Variants in MAGEA4 observed in about 807,000 individuals in gnomAD.
The protein encoded by MAGEA4 is melanoma-associated antigen 4.
MAGEA4 carries 1 observed loss-of-function variant against 13.7 expected under a neutral mutation model. That is an observed-to-expected ratio of 0.07 (90% CI 0.03 to 0.35). The LOEUF (loss-of-function observed/expected upper bound fraction) is 0.35, where lower values mean the gene tolerates loss of function less well. Ranked by LOEUF, MAGEA4 falls within the 10% of genes least tolerant of loss-of-function variation. The pLI, the probability that MAGEA4 is intolerant of heterozygous loss-of-function variation, is 0.99. For missense variants in MAGEA4, 312 were observed against 245.1 expected, an observed-to-expected ratio of 1.27 and a Z score of -1.82; for synonymous variants, 132 against 101.1, an observed-to-expected ratio of 1.31 and a Z score of -1.83.
At position 151,924,432 on chromosome X, in the gene MAGEA4, C is replaced by T. The variant is rs149797451; in HGVS notation, c.768C>T (p.Tyr256=). The stretch of plus-strand genomic sequence containing the variant: ...CCCAAGATTGGGTGCAGGAAAACTA[C>T]CTGGAGTACCGGCAGGTACCCGGCA... ...LLTQDWVQEN[Y]LEYRQVPGSN... Residue 256 remains tyrosine (Y), a synonymous_variant, in exon 3 of 3, where the codon TAC becomes TAT. Transcript: ENST00000276344. The T allele has an allele frequency of 5.0e-6, 6 of 1,209,879 alleles. No homozygotes were observed. In the African/African-American group the frequency reaches 8.7e-5, roughly 18 times the overall value.
chrX:151,921,050 A>G (rs1933412334), intron 1 of MAGEA4, among the ~76,000 whole-genome samples: 2 of 112,035 alleles, frequency 1.8e-5, no homozygotes, highest in Middle Eastern at 4.6e-3. Flanking sequence ...AGGAGAGGGC[A>G]TGGCCCAGGC....
rs754011082 is a variant in MAGEA4 at position 151,923,947 on chromosome X, G to C, written c.283G>C (p.Gly95Arg). ...NEGSSSQEEE[G>R]PSTSPDAESL... ...GGGTTCCAGCAGCCAAGAAGAGGAGGGGCCAAGCACCTCGCCTGACGCAGA... is the reference window on the plus strand; with the variant it reads ...GGGTTCCAGCAGCCAAGAAGAGGAGCGGCCAAGCACCTCGCCTGACGCAGA... The change falls in exon 3 of 3, where the codon GGG (glycine) becomes CGG (arginine). Residue 95 changes from glycine (G) to arginine (R), a missense_variant. Coordinates refer to ENST00000276344, the MANE Select transcript of MAGEA4 (RefSeq NM_001011548.1). 3 of 1,209,915 alleles carry C rather than the reference G, an allele frequency of 2.5e-6. No individual in the cohort carries two copies. Among genetic ancestry groups the C allele is most frequent in the Non-Finnish European group, 3.4e-6 (3 of 895,144 alleles).
intron 1 of MAGEA4, chrX:151,919,618 G>A: frequency 1.3e-6 from 1 of 748,190 alleles, no homozygotes; most frequent in Non-Finnish European, 1.6e-6. Context: ...GGAATGTGAT[G>A]CCACTGACTT....
Position 151,923,588 on chromosome X carries a change from C to T in MAGEA4, c.-65-12C>T. 1 of 1,210,774 alleles carries T rather than the reference C, an allele frequency of 8.3e-7. No individual in the cohort carries two copies. Among genetic ancestry groups the T allele is most frequent in the Non-Finnish European group, 1.1e-6 (1 of 895,277 alleles). On this transcript the variant is annotated splice_polypyrimidine_tract_variant and intron_variant, in intron 2 of 2. Coordinates refer to ENST00000276344, the MANE Select transcript of MAGEA4 (RefSeq NM_001011548.1). ...TCAGCTGAGGTCTCTCACATGCTCC[C>T]TCTCTCCGTAGGCCTGTGGGTCCCC...
chrX:151,919,627 T>G, intron 1 of MAGEA4: 1 of 747,964 alleles, frequency 1.3e-6, no homozygotes, highest in Non-Finnish European at 1.6e-6. Context: ...TGCCACTGAC[T>G]TGCGCATTGG....
rs1409994913 is a variant in MAGEA4, at chrX:151,923,958, C to G, written c.294C>G (p.Thr98=). The G allele has an allele frequency of 2.5e-6, 3 of 1,210,043 alleles. No individual in the cohort carries two copies. In the South Asian group the frequency reaches 5.3e-5, roughly 21 times the overall value. ...GCCAAGAAGAGGAGGGGCCAAGCAC[C>G]TCGCCTGACGCAGAGTCCTTGTTCC... ...SSSQEEEGPS[T]SPDAESLFRE... The change falls in exon 3 of 3, where the codon ACC becomes ACG. Residue 98 remains threonine, a synonymous_variant. Coordinates refer to ENST00000276344, the MANE Select transcript of MAGEA4 (RefSeq NM_001011548.1).
At chrX:151,921,115 C>A (rs949537382) in intron 1 of MAGEA4, among the ~76,000 whole-genome samples, 1 of 112,245 alleles carries the variant, frequency 8.9e-6, no homozygotes, top group African/African-American at 3.2e-5. Flanking sequence ...CCCCAAGATC[C>A]TAGTCTAACC....
intron 1 of MAGEA4, chrX:151,913,608 C>T (rs1328616795): frequency 8.0e-6 from 6 of 749,573 alleles, no homozygotes; most frequent in Non-Finnish European, 9.4e-6. Context: ...TGAGGGAGGA[C>T]TCAGGAGGCC....
intron 1 of MAGEA4, among the ~76,000 whole-genome samples, chrX:151,919,890 G>A (rs903657423): frequency 9.0e-6 from 1 of 110,889 alleles, no homozygotes. Flanking sequence ...TGCAGTCAGA[G>A]CTTGGGGTGA....
chrX:151,920,772 TAGAG>T (rs1277644252), intron 1 of MAGEA4, among the ~76,000 whole-genome samples: 1 of 108,456 alleles, frequency 9.2e-6, no homozygotes, highest in African/African-American at 3.4e-5. Flanking sequence ...AATTGAGGGT[TAGAG>T]AGAAGTGAGT....
In MAGEA4 at chrX:151,925,115, C is replaced by G; in HGVS notation, c.*497C>G. ...AAATATATATGCATACCTGGATTTCCTTGGCTTCGTGAATGTAAGAGAAAT... is the reference window on the plus strand; with the variant it reads ...AAATATATATGCATACCTGGATTTCGTTGGCTTCGTGAATGTAAGAGAAAT... On this transcript the variant is annotated 3_prime_UTR_variant, in exon 3 of 3. Transcript: ENST00000276344. The G allele has an allele frequency of 8.3e-6, 1 of 120,613 alleles. No homozygotes were observed. The allele number at this position is 120,613 out of a possible 1,213,427, so 9.9% of individuals were successfully genotyped here. A position where few individuals can be genotyped will look rare whatever the true frequency, so the allele number is the denominator to read the frequency against.
intron 1 of MAGEA4, among the ~76,000 whole-genome samples, chrX:151,919,291 AC>A (rs1933272888): frequency 2.3e-5 from 1 of 43,317 alleles, no homozygotes; most frequent in Non-Finnish European, 4.3e-5. Flanking sequence ...AGCGTACCCC[AC>A]CCCCATTCCC....
At position 151,923,445 on chromosome X, in the gene MAGEA4, T is replaced by G; in HGVS notation, c.-137-8T>G. 1 of 1,179,376 alleles carries G rather than the reference T, an allele frequency of 8.5e-7. No homozygotes were observed. Among genetic ancestry groups the G allele is most frequent in the Non-Finnish European group, 1.1e-6 (1 of 880,110 alleles). ...TACCCTGAGGTGCTCTCTCACTTCC[T>G]CCTTCAGGTTCTGAGCAGACAGGCC... On this transcript the variant is annotated splice_polypyrimidine_tract_variant and splice_region_variant and intron_variant, in intron 1 of 2. Transcript: ENST00000276344.
At chrX:151,921,913 C>T (rs1234120789) in intron 1 of MAGEA4, among the ~76,000 whole-genome samples, 7 of 111,192 alleles carry the variant, frequency 6.3e-5, no homozygotes, top group Non-Finnish European at 1.3e-4. Context: ...CAAGGGATGG[C>T]AACTCAGGTC....
intron 1 of MAGEA4, among the ~76,000 whole-genome samples, chrX:151,918,728 C>A (rs1274703643): frequency 2.4e-5 from 1 of 41,860 alleles, no homozygotes; most frequent in Non-Finnish European, 4.8e-5. Flanking sequence ...CTCATACCGC[C>A]ATCTCCCACC....
At chrX:151,920,350 C>T (rs963526979) in intron 1 of MAGEA4, among the ~76,000 whole-genome samples, 5 of 110,004 alleles carry the variant, frequency 4.5e-5, no homozygotes, top group South Asian at 7.9e-4. Context: ...CCAAATAATC[C>T]GGCACCCCTC....
In MAGEA4 at chrX:151,923,490, C is replaced by T. The variant is rs777222146; in HGVS notation, c.-100C>T. ...CAGGCCAACCGGAGGACAGGATTCC[C>T]TGGAGGCCACAGAGGAGCACCAAGG... On this transcript the variant is annotated 5_prime_UTR_variant, in exon 2 of 3. Coordinates refer to ENST00000276344, the MANE Select transcript of MAGEA4 (RefSeq NM_001011548.1). 4.2e-6 allele frequency: 5 copies of T among 1,198,475 alleles called. No individual in the cohort carries two copies. In the Admixed American group the frequency reaches 6.6e-5, roughly 16 times the overall value.
intron 1 of MAGEA4, chrX:151,918,986 A>C (rs1355923926): frequency 2.7e-6 from 2 of 749,549 alleles, no homozygotes; most frequent in Admixed American, 9.1e-5. Context: ...CTCTGTGACC[A>C]GCCGCTTGGG....
chrX:151,919,258 C>G (rs1164178798), intron 1 of MAGEA4, among the ~76,000 whole-genome samples: 4 of 102,061 alleles, frequency 3.9e-5, no homozygotes, highest in African/African-American at 1.4e-4. Flanking sequence ...AGGCATCAAC[C>G]TCAGGACCCT....
Sources: gnomAD v4.1 joint callset for allele counts (sites outside exome capture counted in the v4.1 genomes callset) on GRCh38, gnomAD v4.1.1 for gene constraint, MANE v1.5 for transcripts, NCBI Gene and HGNC (gene_info 2026-07-23, HGNC 2026-07-21) for gene names.